The following CSMD1 variants were observed in gnomAD, a reference collection of about 807,000 sequenced individuals.
CSMD1 encodes CUB and sushi domain-containing protein 1.
A neutral mutation model predicts 417.5 loss-of-function variants in CSMD1; 213 were observed. The observed-to-expected ratio is 0.51, with a 90% CI of 0.46 to 0.57. The LOEUF (loss-of-function observed/expected upper bound fraction) is 0.57, where lower values mean the gene tolerates loss of function less well. Ranked by LOEUF, CSMD1 falls within the 20% of genes least tolerant of loss-of-function variation. CSMD1 has a pLI of 0.00. For missense variants in CSMD1, 6,923 were observed against 4,529.7 expected, an observed-to-expected ratio of 1.53 and a Z score of -15.17; for synonymous variants, 2,862 against 1,736.8, an observed-to-expected ratio of 1.65 and a Z score of -16.11.
At chr8:4,856,175 G>C (rs1441632568) in intron 1 of CSMD1, among the ~76,000 whole-genome samples, 7 of 140,502 alleles carry the variant, frequency 5.0e-5, no homozygotes, top group African/African-American at 1.8e-4. Context: ...AGCTTCATAA[G>C]TGAAGGAGAA....
chr8:4,537,965 A>G (rs1797183865), intron 2 of CSMD1, among the ~76,000 whole-genome samples: 2 of 152,172 alleles, frequency 1.3e-5, no homozygotes, highest in East Asian at 1.9e-4. Context: ...TTTGCTTTTA[A>G]CAGCTGTACT....
At chr8:4,796,254 G>A (rs1183050173) in intron 1 of CSMD1, among the ~76,000 whole-genome samples, 1 of 151,950 alleles carries the variant, frequency 6.6e-6, no homozygotes, top group African/African-American at 2.4e-5. Flanking sequence ...CCTTTGCTGT[G>A]AGGCTGGAAC....
chr8:4,274,101 A>T (rs140669803), intron 3 of CSMD1, among the ~76,000 whole-genome samples: 1 of 152,328 alleles, frequency 6.6e-6, no homozygotes, highest in African/African-American at 2.4e-5. Context: ...TATATGGAAC[A>T]TATTAAATAA....
At chr8:4,891,613 C>T (rs963122847) in intron 1 of CSMD1, among the ~76,000 whole-genome samples, 4 of 152,030 alleles carry the variant, frequency 2.6e-5, no homozygotes, top group African/African-American at 4.8e-5. Context: ...AGCACATAAT[C>T]GGATGTTTTG....
intron 12 of CSMD1, among the ~76,000 whole-genome samples, chr8:3,445,919 G>A (rs1424574704): frequency 3.3e-5 from 5 of 152,182 alleles, no homozygotes; most frequent in African/African-American, 1.2e-4. Context: ...TGACTCCAAA[G>A]AAGATTGTAC....
chr8:3,790,928 C>T (rs1465886332), intron 5 of CSMD1, among the ~76,000 whole-genome samples: 3 of 152,098 alleles, frequency 2.0e-5, no homozygotes, highest in African/African-American at 4.8e-5. Flanking sequence ...CTAAGAGCAA[C>T]AGATGACACC....
chr8:4,184,077 C>T (rs1798530851), intron 3 of CSMD1, among the ~76,000 whole-genome samples: 1 of 152,168 alleles, frequency 6.6e-6, no homozygotes, highest in African/African-American at 2.4e-5. Flanking sequence ...AATTAGCCAC[C>T]TTCCCTCTGA....
chr8:4,659,273 T>TA (rs1182215830), intron 1 of CSMD1, among the ~76,000 whole-genome samples: 1 of 74,920 alleles, frequency 1.3e-5, no homozygotes, highest in African/African-American at 1.4e-4. Flanking sequence ...GAAGAAAAGA[T>TA]CAATTAACAC....
intron 7 of CSMD1, among the ~76,000 whole-genome samples, chr8:3,646,187 G>A (rs1373561714): frequency 2.0e-5 from 3 of 151,812 alleles, no homozygotes; most frequent in African/African-American, 4.8e-5. Context: ...CAAAAATAGT[G>A]ATACATTATT....
intron 1 of CSMD1, among the ~76,000 whole-genome samples, chr8:4,789,548 C>T (rs1563390137): frequency 6.6e-6 from 1 of 152,138 alleles, no homozygotes; most frequent in Non-Finnish European, 1.5e-5. Context: ...TGGGATCTAC[C>T]ACCAAAGCTT....
At chr8:4,294,869 T>C (rs2128869460) in intron 3 of CSMD1, among the ~76,000 whole-genome samples, 1 of 152,046 alleles carries the variant, frequency 6.6e-6, no homozygotes, top group East Asian at 2.0e-4. Flanking sequence ...ACTTTGTCTT[T>C]GCCCTTTTAG....
intron 41 of CSMD1, among the ~76,000 whole-genome samples, chr8:3,138,022 C>T (rs569384091): frequency 1.3e-5 from 2 of 152,278 alleles, no homozygotes; most frequent in Admixed American, 6.5e-5. Flanking sequence ...GTCAGGAGTT[C>T]GAGACCAACC....
intron 3 of CSMD1, among the ~76,000 whole-genome samples, chr8:4,255,132 T>C (rs973712004): frequency 3.3e-5 from 5 of 152,186 alleles, no homozygotes; most frequent in Non-Finnish European, 7.4e-5. Flanking sequence ...AGTATCAGTT[T>C]TTAGCATTAA....
At chr8:4,939,045 C>A (rs370251431) in intron 1 of CSMD1, among the ~76,000 whole-genome samples, 14 of 152,254 alleles carry the variant, frequency 9.2e-5, no homozygotes, top group East Asian at 7.7e-4. Flanking sequence ...TACATTAACC[C>A]TGCATCAGAT....
chr8:3,261,659 A>C (rs1029396681), intron 26 of CSMD1, among the ~76,000 whole-genome samples: 6 of 152,174 alleles, frequency 3.9e-5, no homozygotes, highest in Non-Finnish European at 8.8e-5. Context: ...AGTTCTCTGC[A>C]GGAATCTAAA....
chr8:3,203,387 G>C (rs572017101), intron 31 of CSMD1, among the ~76,000 whole-genome samples: 2 of 152,108 alleles, frequency 1.3e-5, no homozygotes, highest in African/African-American at 4.8e-5. Flanking sequence ...TGCTATCTAC[G>C]CTGCTGCCGG....
intron 5 of CSMD1, among the ~76,000 whole-genome samples, chr8:3,862,476 G>C (rs990625266): frequency 6.6e-6 from 1 of 151,910 alleles, no homozygotes; most frequent in African/African-American, 2.4e-5. Flanking sequence ...TGAGCCTTTC[G>C]CCAGAACTCA....
intron 3 of CSMD1, among the ~76,000 whole-genome samples, chr8:4,300,739 G>A (rs535123614): frequency 3.9e-5 from 6 of 152,028 alleles, no homozygotes; most frequent in African/African-American, 1.2e-4. Context: ...CTGCGTCCAC[G>A]TGTTCTGGTT....
chr8:3,267,939 A>G (rs1206945399), intron 26 of CSMD1, among the ~76,000 whole-genome samples: 1 of 152,088 alleles, frequency 6.6e-6, no homozygotes, highest in Non-Finnish European at 1.5e-5. Flanking sequence ...AGCCTCAGAA[A>G]TGAGGATTAT....
Sources: gnomAD v4.1 joint callset for allele counts (sites outside exome capture counted in the v4.1 genomes callset) on GRCh38, gnomAD v4.1.1 for gene constraint, MANE v1.5 for transcripts, NCBI Gene and HGNC (gene_info 2026-07-23, HGNC 2026-07-21) for gene names.